The following TRPM3 variants were observed in gnomAD, a reference collection of about 807,000 sequenced individuals.
TRPM3 encodes the protein long transient receptor potential channel 3.
TRPM3 carries 77 observed loss-of-function variants against 181.2 expected under a neutral mutation model. That is an observed-to-expected ratio of 0.42 (90% confidence interval 0.35 to 0.51). The LOEUF (loss-of-function observed/expected upper bound fraction) is 0.51, where lower values mean the gene tolerates loss of function less well. Among genes scored for constraint, TRPM3 ranks in the 20% least tolerant of loss-of-function variants. TRPM3 has a pLI of 0.01. For missense variants in TRPM3, 1,759 were observed against 2,196.7 expected (o/e 0.80, Z 3.98); for synonymous variants, 745 against 796.4 (o/e 0.94, Z 1.09).
At chr9:70,989,607 T>C (rs534277953) in intron 1 of TRPM3, among the ~76,000 whole-genome samples, 2 of 152,258 alleles carry the variant, frequency 1.3e-5, no homozygotes, top group East Asian at 3.9e-4. Context: ...GGTGTTGGCA[T>C]TTTCTGCCCT....
At chr9:70,624,121 C>T (rs1216654359) in intron 14 of TRPM3, among the ~76,000 whole-genome samples, 5 of 152,132 alleles carry the variant, frequency 3.3e-5, no homozygotes, top group Non-Finnish European at 7.3e-5. Flanking sequence ...TACTGAAAGA[C>T]ATTTCCCATG....
At chr9:71,296,925 AAAG>A (rs1051933710) in intron 1 of TRPM3, among the ~76,000 whole-genome samples, 1 of 152,040 alleles carries the variant, frequency 6.6e-6, no homozygotes, top group Non-Finnish European at 1.5e-5. Context: ...AACACTGCAG[AAAG>A]AAGATTTAAA....
At chr9:71,090,263 TG>T (rs931282547) in intron 1 of TRPM3, among the ~76,000 whole-genome samples, 2 of 152,144 alleles carry the variant, frequency 1.3e-5, no homozygotes, top group Admixed American at 6.6e-5. Flanking sequence ...TGTAAAGTAG[TG>T]GAGAAGCATT....
At chr9:70,915,366 C>T (rs994776989) in intron 1 of TRPM3, among the ~76,000 whole-genome samples, 7 of 151,956 alleles carry the variant, frequency 4.6e-5, no homozygotes, top group Admixed American at 2.0e-4. Flanking sequence ...GGCCCAATCT[C>T]GGCTCACTGC....
chr9:71,322,942 T>C (rs1444700450), intron 1 of TRPM3, among the ~76,000 whole-genome samples: 1 of 152,176 alleles, frequency 6.6e-6, no homozygotes, highest in African/African-American at 2.4e-5. Context: ...TAAGTGTATT[T>C]GCTGTCAAAA....
At chr9:70,541,507 ATCTTTT>A (rs1480631934) in intron 25 of TRPM3, among the ~76,000 whole-genome samples, 9 of 93,004 alleles carry the variant, frequency 9.7e-5, no homozygotes, top group Non-Finnish European at 1.8e-4. Context: ...GGTTCCTTTA[ATCTTTT>A]TTTTTTTTTT....
chr9:71,410,936 G>A (rs754974191), intron 1 of TRPM3, among the ~76,000 whole-genome samples: 2 of 152,178 alleles, frequency 1.3e-5, no homozygotes, highest in African/African-American at 2.4e-5. Flanking sequence ...TGGGATGCAA[G>A]GCTAGTTCAA....
Position 70,975,864 on chromosome 9 carries a change from A to T in TRPM3, c.178-111353T>A, listed in dbSNP as rs918912762. 2.0e-5 allele frequency among the ~76,000 whole-genome samples: 3 copies of T among 152,212 alleles called. No individual in the cohort carries two copies. The East Asian group carries it at 5.8e-4, about 29-fold the overall frequency. ...CACATTACCTAACTCCTCAAAGCCC[A>T]GGTCCCTCATCTGTAAGAAGGTGGA... is the stretch of plus-strand genomic sequence containing the variant. On this transcript the variant is annotated intron_variant, in intron 1 of 25. Transcript: ENST00000677713.
chr9:71,418,317 C>T (rs544908098), intron 1 of TRPM3, among the ~76,000 whole-genome samples: 22 of 151,910 alleles, frequency 1.4e-4, no homozygotes, highest in African/African-American at 5.3e-4. Flanking sequence ...GGTTCAAGAA[C>T]CTGGAAAAGA....
At chr9:70,742,410 A>C (rs2074326579) in intron 8 of TRPM3, among the ~76,000 whole-genome samples, 1 of 152,144 alleles carries the variant, frequency 6.6e-6, no homozygotes, top group Non-Finnish European at 1.5e-5. Flanking sequence ...TATCCATCAC[A>C]TCAAATATTT....
intron 6 of TRPM3, among the ~76,000 whole-genome samples, chr9:70,786,420 G>A (rs1055499552): frequency 6.6e-6 from 1 of 151,838 alleles, no homozygotes; most frequent in African/African-American, 2.4e-5. Context: ...GGGAGGCAGA[G>A]GCTGTAGTGA....
chr9:70,851,040 T>A (rs557309096), intron 3 of TRPM3, among the ~76,000 whole-genome samples: 2 of 152,324 alleles, frequency 1.3e-5, no homozygotes, highest in East Asian at 3.9e-4. Flanking sequence ...TTCTGAGTTG[T>A]TATGATTGTG....
At chr9:71,051,519 C>A (rs987444032) in intron 1 of TRPM3, among the ~76,000 whole-genome samples, 11 of 152,050 alleles carry the variant, frequency 7.2e-5, no homozygotes, top group Non-Finnish European at 1.3e-4. Context: ...CATCCTCCAC[C>A]CATAGCATGC....
chr9:70,892,075 C>T (rs1343383632), intron 1 of TRPM3, among the ~76,000 whole-genome samples: 2 of 151,596 alleles, frequency 1.3e-5, no homozygotes, highest in East Asian at 1.9e-4. Flanking sequence ...GAGGGATTTA[C>T]GAGGAAAAAA....
chr9:70,591,249 T>G, intron 21 of TRPM3, 44 bp from the exon 22 acceptor site: 1 of 1,532,430 alleles, frequency 6.5e-7, no homozygotes, highest in Non-Finnish European at 9.0e-7. Context: ...AGAAAACCCA[T>G]ATGATTGAGT....
intron 1 of TRPM3, among the ~76,000 whole-genome samples, chr9:70,952,775 G>A (rs1429305056): frequency 2.6e-5 from 4 of 152,068 alleles, no homozygotes; most frequent in African/African-American, 9.7e-5. Flanking sequence ...GACTGGATAG[G>A]TAAGTAGGAA....
chr9:71,358,970 G>T (rs141068758), intron 1 of TRPM3, among the ~76,000 whole-genome samples: 1 of 152,100 alleles, frequency 6.6e-6, no homozygotes, highest in Non-Finnish European at 1.5e-5. Context: ...GGTTCTTTAC[G>T]CATCAAAATA....
chr9:71,325,684 C>G (rs1263938873), intron 1 of TRPM3, among the ~76,000 whole-genome samples: 2 of 152,064 alleles, frequency 1.3e-5, no homozygotes, highest in East Asian at 1.9e-4. Context: ...ACAAAACCTA[C>G]AAAGGCATAA....
At chr9:71,137,284 A>G (rs1350177377) in intron 1 of TRPM3, among the ~76,000 whole-genome samples, 2 of 152,226 alleles carry the variant, frequency 1.3e-5, no homozygotes, top group African/African-American at 4.8e-5. Flanking sequence ...CATGACCTCA[A>G]CCTAAGGCAA....
Sources: gnomAD v4.1 joint callset for allele counts (sites outside exome capture counted in the v4.1 genomes callset) on GRCh38, gnomAD v4.1.1 for gene constraint, MANE v1.5 for transcripts, NCBI Gene and HGNC (gene_info 2026-07-23, HGNC 2026-07-21) for gene names.